The following CCNY variants were observed in gnomAD, a reference collection of about 807,000 sequenced individuals.
The protein encoded by CCNY is cyclin-Y.
A neutral mutation model predicts 42.8 loss-of-function variants in CCNY; 19 were observed. The ratio of observed to expected loss-of-function variants is 0.44; its 90% CI spans 0.31 to 0.65. The LOEUF is 0.65. Among genes scored for constraint, CCNY ranks in the 30% least tolerant of loss-of-function variants. The pLI is 0.07. For synonymous variants in CCNY, 165 were observed against 162.7 expected, an observed-to-expected ratio of 1.01 and a Z score of -0.11; for missense variants, 370 against 437.3, an observed-to-expected ratio of 0.85 and a Z score of 1.37.
intron 1 of CCNY, among the ~76,000 whole-genome samples, chr10:35,393,319 G>A (rs1837454907): frequency 6.6e-6 from 1 of 152,154 alleles, no homozygotes; most frequent in Non-Finnish European, 1.5e-5. Flanking sequence ...TTGCTGTCCG[G>A]GCTTTTTGTT....
intron 3 of CCNY, among the ~76,000 whole-genome samples, chr10:35,297,956 A>C (rs1835490814): frequency 6.6e-6 from 1 of 151,986 alleles, no homozygotes. Context: ...CTATCAAACT[A>C]CCAATGACAT....
chr10:35,285,242 C>T (rs1161523527), intron 3 of CCNY, among the ~76,000 whole-genome samples: 1 of 152,046 alleles, frequency 6.6e-6, no homozygotes. Flanking sequence ...GCCATGTTGG[C>T]CAGGCTGGTC....
At chr10:35,459,391 T>C (rs1395131818) in intron 1 of CCNY, among the ~76,000 whole-genome samples, 1 of 152,212 alleles carries the variant, frequency 6.6e-6, no homozygotes, top group African/African-American at 2.4e-5. Context: ...TGACCTTTTT[T>C]TGCATTTTGT....
intron 3 of CCNY, among the ~76,000 whole-genome samples, chr10:35,314,091 A>G (rs1835724420): frequency 6.6e-6 from 1 of 152,174 alleles, no homozygotes; most frequent in South Asian, 2.1e-4. Flanking sequence ...GGAAAGATAA[A>G]CAGAAAAAGA....
At chr10:35,472,171 G>T (rs1246900325) in intron 1 of CCNY, among the ~76,000 whole-genome samples, 1 of 152,138 alleles carries the variant, frequency 6.6e-6, no homozygotes, top group East Asian at 1.9e-4. Context: ...GCTAGTACCT[G>T]ACTCCTAATC....
At chr10:35,382,751 T>C (rs1479984739) in intron 1 of CCNY, among the ~76,000 whole-genome samples, 1 of 152,106 alleles carries the variant, frequency 6.6e-6, no homozygotes, top group Non-Finnish European at 1.5e-5. Context: ...TTCCTCAAAA[T>C]GGGAAAAATA....
intron 3 of CCNY, chr10:35,327,550 A>C (rs528397546): frequency 2.0e-5 from 3 of 152,340 alleles, no homozygotes; most frequent in African/African-American, 7.2e-5. Flanking sequence ...GAAAACTGTT[A>C]GCAGGAGTAG....
At chr10:35,478,523 A>T (rs1281472251) in intron 1 of CCNY, among the ~76,000 whole-genome samples, 2 of 152,216 alleles carry the variant, frequency 1.3e-5, no homozygotes. Context: ...AACCTGAGAA[A>T]AACCAGCTAT....
chr10:35,341,140 G>T (rs1045259612), intron 1 of CCNY, among the ~76,000 whole-genome samples: 1 of 152,146 alleles, frequency 6.6e-6, no homozygotes, highest in Non-Finnish European at 1.5e-5. Flanking sequence ...TGGTCGCTGG[G>T]GCCCCTTGGG....
intron 1 of CCNY, among the ~76,000 whole-genome samples, chr10:35,396,983 G>T (rs1271068234): frequency 1.3e-5 from 2 of 152,168 alleles, no homozygotes. Context: ...TTTTCTGCCT[G>T]TTACAGTTCT....
chr10:35,524,175 A>G (rs1358565499), intron 4 of CCNY, among the ~76,000 whole-genome samples: 2 of 152,222 alleles, frequency 1.3e-5, no homozygotes, highest in Non-Finnish European at 2.9e-5. Context: ...CATTTATAAA[A>G]TAGAATCAAT....
At chr10:35,265,399 A>T (rs562709766) in intron 3 of CCNY, among the ~76,000 whole-genome samples, 71 of 152,336 alleles carry the variant, frequency 4.7e-4, no homozygotes, top group Non-Finnish European at 9.8e-4. Flanking sequence ...AATGATGTGT[A>T]TGTTTATGGG....
intron 1 of CCNY, among the ~76,000 whole-genome samples, chr10:35,402,886 C>T (rs561426411): frequency 3.3e-5 from 5 of 152,112 alleles, no homozygotes; most frequent in South Asian, 2.1e-4. Flanking sequence ...AGTAAAGGCC[C>T]GTCCGTTAAT....
At chr10:35,258,929 G>A (rs2095717432) in intron 3 of CCNY, among the ~76,000 whole-genome samples, 1 of 128,820 alleles carries the variant, frequency 7.8e-6, no homozygotes, top group African/African-American at 3.2e-5. Flanking sequence ...GAGAGAGACT[G>A]TCTTAAAAAA....
intron 1 of CCNY, among the ~76,000 whole-genome samples, chr10:35,444,308 C>A: frequency 6.7e-6 from 1 of 148,800 alleles, no homozygotes; most frequent in Middle Eastern, 3.5e-3. Flanking sequence ...GAGTGCAGTG[C>A]GTGATCTTGG....
At chr10:35,472,101 T>A (rs1485733042) in intron 1 of CCNY, among the ~76,000 whole-genome samples, 1 of 152,248 alleles carries the variant, frequency 6.6e-6, no homozygotes, top group Non-Finnish European at 1.5e-5. Flanking sequence ...TGTGGCTTAA[T>A]GTTTTTAATA....
At chr10:35,524,519 T>C (rs1303549222) in intron 4 of CCNY, among the ~76,000 whole-genome samples, 1 of 152,214 alleles carries the variant, frequency 6.6e-6, no homozygotes, top group African/African-American at 2.4e-5. Flanking sequence ...TCTAAGCCGG[T>C]GTGGCTGAGT....
chr10:35,266,656 G>T (rs2135037988), intron 3 of CCNY, among the ~76,000 whole-genome samples: 1 of 152,240 alleles, frequency 6.6e-6, no homozygotes, highest in Non-Finnish European at 1.5e-5. Context: ...GCCCTACAGT[G>T]GGTGATGCGG....
intron 1 of CCNY, among the ~76,000 whole-genome samples, chr10:35,372,947 C>T (rs1836970698): frequency 6.6e-6 from 1 of 152,226 alleles, no homozygotes; most frequent in African/African-American, 2.4e-5. Context: ...ATCCACCTGC[C>T]TCAGCCTCCC....
Sources: allele counts gnomAD v4.1 joint callset (sites outside exome capture counted in the v4.1 genomes callset), GRCh38; gene constraint gnomAD v4.1.1; transcripts MANE v1.5; gene names NCBI Gene and HGNC (gene_info 2026-07-23, HGNC 2026-07-21).